HECTD4: variants seen among roughly 807,000 people sequenced by gnomAD.
The protein encoded by HECTD4 is HECT domain E3 ubiquitin protein ligase 4.
In HECTD4, 114 loss-of-function variants were observed where a neutral mutation model predicts 471.5. The observed-to-expected ratio is 0.24, with a 90% confidence interval of 0.21 to 0.28. The LOEUF is 0.28. Ranked by LOEUF, HECTD4 falls within the 10% of genes least tolerant of loss-of-function variation. The probability of loss-of-function intolerance (pLI) is 1.00; values close to 1 mark genes in which losing one functional copy is unlikely to be tolerated. For missense variants in HECTD4, 3,866 were observed against 5,651.5 expected (o/e 0.68, Z 10.13); for synonymous variants, 2,012 against 2,256.0 (o/e 0.89, Z 3.07).
At chr12:112,205,656 A>G (rs2032556788) in intron 52 of HECTD4, among the ~76,000 whole-genome samples, 1 of 151,536 alleles carries the variant, frequency 6.6e-6, no homozygotes, top group Admixed American at 6.6e-5. Context: ...CAGTGGTGCA[A>G]TCTCGGCTCA....
At chr12:112,261,747 T>C (rs1304810848) in intron 17 of HECTD4, 2 of 192,152 alleles carry the variant, frequency 1.0e-5, no homozygotes, top group Non-Finnish European at 2.1e-5. Flanking sequence ...TCCCATCCCA[T>C]CCAGCACAAG....
chr12:112,318,459 C>T (rs2035528108), intron 2 of HECTD4, among the ~76,000 whole-genome samples: 1 of 152,056 alleles, frequency 6.6e-6, no homozygotes, highest in African/African-American at 2.4e-5. Flanking sequence ...ACTGCAACCA[C>T]TGCTTCCTGG....
At chr12:112,225,747 G>A (rs1404488994) in intron 44 of HECTD4, among the ~76,000 whole-genome samples, 1 of 151,850 alleles carries the variant, frequency 6.6e-6, no homozygotes, top group Non-Finnish European at 1.5e-5. Flanking sequence ...TAAAAACAAG[G>A]ATGATCTTTA....
At chr12:112,372,728 C>T (rs2036706118) in intron 1 of HECTD4, among the ~76,000 whole-genome samples, 1 of 151,950 alleles carries the variant, frequency 6.6e-6, no homozygotes. Context: ...CACACTCAGC[C>T]CACATCCATC....
chr12:112,174,275 T>C (rs1465250782), intron 66 of HECTD4, among the ~76,000 whole-genome samples: 3 of 149,750 alleles, frequency 2.0e-5, no homozygotes, highest in Non-Finnish European at 4.4e-5. Context: ...GACTTTTTTT[T>C]TTTTTTAAGA....
intron 44 of HECTD4, among the ~76,000 whole-genome samples, chr12:112,219,947 A>G (rs961891370): frequency 6.6e-6 from 1 of 152,144 alleles, no homozygotes; most frequent in African/African-American, 2.4e-5. Context: ...TTTGTCTTCC[A>G]TAACGTAGCC....
rs186261481 is a variant in HECTD4, at chr12:112,182,842, T to A, written c.10987+217A>T. ...AAAGATGCACATAACCAGCCCCCAC[T>A]GACAAACAATGGAGCCTCTTGTGCC... On this transcript the variant is annotated intron_variant, in intron 62 of 75. Coordinates refer to ENST00000682272, the MANE Select transcript of HECTD4 (RefSeq NM_001388303.1). 2.5e-3 allele frequency among the ~76,000 whole-genome samples: 383 copies of A among 152,362 alleles called. 4 individuals carry two copies. Among genetic ancestry groups the A allele is most frequent in the African/African-American group, 8.7e-3 (361 of 41,588 alleles).
intron 14 of HECTD4, 21 bp from the exon 15 acceptor site, chr12:112,266,004 A>G: frequency 6.5e-7 from 1 of 1,532,882 alleles, no homozygotes; most frequent in Non-Finnish European, 9.0e-7. Flanking sequence ...AGAAAGCTCC[A>G]TCAACTACCC....
intron 7 of HECTD4, among the ~76,000 whole-genome samples, chr12:112,289,026 TGTTA>T (rs1566100086): frequency 6.6e-6 from 1 of 152,260 alleles, no homozygotes; most frequent in Non-Finnish European, 1.5e-5. Context: ...AATAATAGTT[TGTTA>T]GTTAAGCAGG....
Position 112,192,710 on chromosome 12 carries a change from T to C in HECTD4, c.9142A>G (p.Lys3048Glu). The C allele has an allele frequency of 6.2e-7, 1 of 1,600,068 alleles. No individual in the cohort carries two copies. The highest frequency in any genetic ancestry group is 8.5e-7 in the Non-Finnish European group (1 of 1,173,800). The change falls in exon 59 of 76, where the codon AAA becomes GAA. Residue 3048 changes from lysine (K) to glutamate (E), a missense_variant. Lys to Glu is a moderately conservative substitution (Grantham distance 56, BLOSUM62 1). Transcript: ENST00000682272. ...TTCAGCTGGCCATTTCGCTTCACTTTGTGGCCGAGGCCATATACGAGCACC... is the reference window on the plus strand; with the variant it reads ...TTCAGCTGGCCATTTCGCTTCACTTCGTGGCCGAGGCCATATACGAGCACC... ...ARVLVYGLGH[K>E]VKRNGQLNLI...
chr12:112,173,974 CCTTTT>C lies in HECTD4; in HGVS notation c.11595-1118_11595-1114del, dbSNP rs2031337174. On this transcript the variant is annotated intron_variant, in intron 66 of 75. Transcript: ENST00000682272. The surrounding 1 kb of genome is among the most constrained non-coding windows in gnomAD (Gnocchi z 4.3). The stretch of plus-strand genomic sequence containing the variant: ...GCATGTTTTGGTAGCCATTTTCTTT[CCTTTT>C]CTTTTTTTTTTTTTTGAGTTGGAGT... Among the ~76,000 whole-genome samples the C allele has an allele frequency of 6.6e-6, 1 of 151,754 alleles. No individual in the cohort carries two copies. Among genetic ancestry groups the C allele is most frequent in the African/African-American group, 2.4e-5 (1 of 41,402 alleles).
At chr12:112,373,621 C>A (rs1333468409) in intron 1 of HECTD4, among the ~76,000 whole-genome samples, 1 of 152,180 alleles carries the variant, frequency 6.6e-6, no homozygotes, top group Non-Finnish European at 1.5e-5. Flanking sequence ...ATGTGAAGTA[C>A]TTAGCACAGA....
At chr12:112,277,422 C>T (rs1035003252) in intron 9 of HECTD4, among the ~76,000 whole-genome samples, 22 of 152,166 alleles carry the variant, frequency 1.4e-4, no homozygotes, top group East Asian at 5.8e-4. Context: ...TCCAGCAATG[C>T]GCAACTGATG....
chr12:112,351,811 G>C (rs2036252499), intron 1 of HECTD4, among the ~76,000 whole-genome samples: 1 of 152,176 alleles, frequency 6.6e-6, no homozygotes, highest in South Asian at 2.1e-4. Context: ...TAGCCTAATA[G>C]ATAAAATTAC....
intron 44 of HECTD4, among the ~76,000 whole-genome samples, chr12:112,225,616 A>G (rs1368475357): frequency 6.6e-6 from 1 of 151,322 alleles, no homozygotes; most frequent in Non-Finnish European, 1.5e-5. Flanking sequence ...AACAAATTGT[A>G]AGGCAAAAAA....
intron 7 of HECTD4, among the ~76,000 whole-genome samples, chr12:112,291,619 T>G (rs999362041): frequency 6.6e-6 from 1 of 152,020 alleles, no homozygotes; most frequent in Non-Finnish European, 1.5e-5. Flanking sequence ...ACATTTGTAA[T>G]CCCAGCACTT....
At chr12:112,237,757 CTTT>C (rs200452557) in intron 34 of HECTD4, among the ~76,000 whole-genome samples, 3 of 142,242 alleles carry the variant, frequency 2.1e-5, no homozygotes, top group Non-Finnish European at 1.5e-5. Flanking sequence ...CCTGTCAGAC[CTTT>C]TTTTTTTTTT....
In HECTD4 at chr12:112,163,436, A is replaced by G; in HGVS notation, c.12897+106T>C. On this transcript the variant is annotated intron_variant, in intron 74 of 75. Transcript: ENST00000682272. The surrounding 1 kb of genome is among the most constrained non-coding windows in gnomAD (Gnocchi z 8.2). ...TGATACAGGTCTGTGGCAAGGACAG[A>G]GCTGAGACAGGCCACTGCCGATGCC... 1 of 1,107,954 alleles carries G rather than the reference A, an allele frequency of 9.0e-7. No individual in the cohort carries two copies. Among genetic ancestry groups the G allele is most frequent in the Non-Finnish European group, 1.3e-6 (1 of 787,082 alleles). 68.6% of individuals were successfully genotyped at this position (1,107,954 alleles called of 1,614,324 possible).
intron 69 of HECTD4, 128 bp downstream of exon 69, chr12:112,170,205 C>T (rs548872329): frequency 1.5e-5 from 19 of 1,294,962 alleles, no homozygotes; most frequent in Middle Eastern, 2.2e-4. Context: ...CACACCAGGG[C>T]GCTCCAGCAG....
Sources: gnomAD v4.1 joint callset for allele counts (sites outside exome capture counted in the v4.1 genomes callset) on GRCh38, gnomAD v4.1.1 for gene constraint, Gnocchi (gnomAD v3.1) non-coding constraint, MANE v1.5 for transcripts, NCBI Gene and HGNC (gene_info 2026-07-23, HGNC 2026-07-21) for gene names.